The following PRR16 variants were observed in gnomAD, a reference collection of about 807,000 sequenced individuals.
PRR16 encodes proline rich 16.
PRR16 carries 6 observed loss-of-function variants against 18.2 expected under a neutral mutation model. That is an observed-to-expected ratio of 0.33 (90% confidence interval 0.18 to 0.65). PRR16 has a LOEUF of 0.65. Ranked by LOEUF, PRR16 falls within the 30% of genes least tolerant of loss-of-function variation. The pLI, the probability that PRR16 is intolerant of heterozygous loss-of-function variation, is 0.74. For missense variants in PRR16, 412 were observed against 376.6 expected (o/e 1.09, Z -0.78); for synonymous variants, 151 against 147.8 (o/e 1.02, Z -0.16).
intron 1 of PRR16, among the ~76,000 whole-genome samples, chr5:120,561,969 C>T (rs953020509): frequency 6.6e-6 from 1 of 152,086 alleles, no homozygotes; most frequent in Non-Finnish European, 1.5e-5. Context: ...TGAGAACAGA[C>T]TAATATAATA....
chr5:120,784,158 G>T, the PRR16 span, among the ~76,000 whole-genome samples: 3 of 152,088 alleles, frequency 2.0e-5, no homozygotes, highest in Non-Finnish European at 4.4e-5. Context: ...GAGTAGTGCT[G>T]CAATAAACAT....
the PRR16 span, among the ~76,000 whole-genome samples, chr5:120,760,546 C>T: frequency 1.3e-5 from 2 of 152,068 alleles, no homozygotes. Flanking sequence ...CTTTAAGGTA[C>T]TACAGGACTG....
chr5:120,615,161 A>G (rs1225799241), intron 1 of PRR16, among the ~76,000 whole-genome samples: 1 of 152,124 alleles, frequency 6.6e-6, no homozygotes, highest in African/African-American at 2.4e-5. Context: ...AAGCTAGTAC[A>G]TTTTTTAGCC....
Position 120,652,422 on chromosome 5 carries a change from G to T in PRR16, c.160-33532G>T, listed in dbSNP as rs1031031583. On this transcript the variant is annotated intron_variant, in intron 1 of 1. Transcript: ENST00000407149. ...AGGGAAAGATAGAGGAAAAATAAGA[G>T]AACTTTATATTGGAGAAACTGACAA... Among the ~76,000 whole-genome samples, 5 of 151,966 alleles carry T rather than the reference G, an allele frequency of 3.3e-5. No homozygotes were observed. In the East Asian group the frequency reaches 9.7e-4, roughly 29 times the overall value.
intron 1 of PRR16, among the ~76,000 whole-genome samples, chr5:120,636,145 AAC>A (rs1174655015): frequency 1.3e-5 from 2 of 152,160 alleles, no homozygotes; most frequent in African/African-American, 4.8e-5. Context: ...AACAAATGAA[AAC>A]ACATACCATA....
Position 120,623,004 on chromosome 5 carries a change from A to T in PRR16, c.160-62950A>T, listed in dbSNP as rs1754741186. Among the ~76,000 whole-genome samples, 3 of 152,126 alleles carry T rather than the reference A, an allele frequency of 2.0e-5. No individual in the cohort carries two copies. In the South Asian group the frequency reaches 6.2e-4, roughly 31 times the overall value. ...TTTTATGTCTTGGAATTAGGGATTAATTTATGAATTTTTTTTCACAAAAAC... is the reference window on the plus strand; with the variant it reads ...TTTTATGTCTTGGAATTAGGGATTATTTTATGAATTTTTTTTCACAAAAAC... On this transcript the variant is annotated intron_variant, in intron 1 of 1. Coordinates refer to ENST00000407149, the MANE Select transcript of PRR16 (RefSeq NM_001300783.2).
chr5:120,644,216 A>T (rs932296331), intron 1 of PRR16, among the ~76,000 whole-genome samples: 3 of 152,212 alleles, frequency 2.0e-5, no homozygotes, highest in Non-Finnish European at 2.9e-5. Context: ...AATGTCTGTA[A>T]AGTTTTCAGC....
the PRR16 span, among the ~76,000 whole-genome samples, chr5:120,769,077 T>G: frequency 7.8e-6 from 1 of 127,868 alleles, no homozygotes; most frequent in East Asian, 3.1e-4. Flanking sequence ...ATACCTCATG[T>G]CTTCATGCCT....
chr5:120,778,768 T>C, the PRR16 span, among the ~76,000 whole-genome samples: 1 of 152,168 alleles, frequency 6.6e-6, no homozygotes, highest in Non-Finnish European at 1.5e-5. Context: ...TGCTGATTCA[T>C]GGAAGGCATT....
chr5:120,489,007 G>A (rs1374314602), intron 1 of PRR16, among the ~76,000 whole-genome samples: 1 of 152,188 alleles, frequency 6.6e-6, no homozygotes, highest in Non-Finnish European at 1.5e-5. Context: ...TTGCACTGTG[G>A]TCTGAGAGAC....
chr5:120,782,559 A>T, the PRR16 span, among the ~76,000 whole-genome samples: 1 of 151,678 alleles, frequency 6.6e-6, no homozygotes, highest in African/African-American at 2.4e-5. Context: ...GCTTCCCTCT[A>T]TCTCAGTGGG....
intron 1 of PRR16, among the ~76,000 whole-genome samples, chr5:120,502,733 C>T (rs557503013): frequency 6.6e-6 from 1 of 152,106 alleles, no homozygotes. Context: ...TTTTGTCGGT[C>T]AAAATGGTTT....
intron 1 of PRR16, among the ~76,000 whole-genome samples, chr5:120,481,540 T>G (rs949089742): frequency 2.0e-5 from 3 of 152,208 alleles, no homozygotes; most frequent in Non-Finnish European, 4.4e-5. Flanking sequence ...TTGGAAGAGC[T>G]TCTGTTTTTT....
the PRR16 span, among the ~76,000 whole-genome samples, chr5:120,754,401 T>TTATAATATATACTATATATTATATAATA: frequency 1.5e-5 from 1 of 67,212 alleles, no homozygotes; most frequent in African/African-American, 6.7e-5. Context: ...ATGTTATATA[T>TTATAATATATACTATATATTATATAATA]TATACTATAT....
intron 1 of PRR16, among the ~76,000 whole-genome samples, chr5:120,522,244 C>T (rs1442691267): frequency 1.3e-5 from 2 of 152,162 alleles, no homozygotes; most frequent in Non-Finnish European, 2.9e-5. Context: ...GAGGAATCAC[C>T]ACACTGTCTT....
chr5:120,645,233 G>T (rs139346893), intron 1 of PRR16, among the ~76,000 whole-genome samples: 125 of 151,964 alleles, frequency 8.2e-4, no homozygotes, highest in African/African-American at 2.9e-3. Flanking sequence ...AATTTTCAAC[G>T]TATGTGTTAC....
At chr5:120,611,590 C>T (rs919608814) in intron 1 of PRR16, among the ~76,000 whole-genome samples, 1 of 152,190 alleles carries the variant, frequency 6.6e-6, no homozygotes, top group Non-Finnish European at 1.5e-5. Flanking sequence ...AAACCCCAAG[C>T]CTTGGCAGCT....
the PRR16 span, among the ~76,000 whole-genome samples, chr5:120,713,383 G>C: frequency 0.25 from 37,817 of 151,772 alleles, 5,505 homozygotes; most frequent in East Asian, 0.63. Flanking sequence ...AGAACATCCT[G>C]ACTAATCCAG....
At chr5:120,782,435 AGTGAAG>A in the PRR16 span, among the ~76,000 whole-genome samples, 3 of 152,278 alleles carry the variant, frequency 2.0e-5, no homozygotes, top group East Asian at 5.8e-4. Context: ...GTGTTTTAAA[AGTGAAG>A]CCTGATGGGA....
Sources: gnomAD v4.1 joint callset for allele counts (sites outside exome capture counted in the v4.1 genomes callset) on GRCh38, gnomAD v4.1.1 for gene constraint, MANE v1.5 for transcripts, NCBI Gene and HGNC (gene_info 2026-07-23, HGNC 2026-07-21) for gene names.